The following NDUFA3 variants were observed in gnomAD, a reference collection of about 807,000 sequenced individuals.
NDUFA3 encodes the protein NADH dehydrogenase [ubiquinone] 1 alpha subcomplex subunit 3.
In NDUFA3, 10 loss-of-function variants were observed where a neutral mutation model predicts 11.4. That is an observed-to-expected ratio of 0.87 (90% CI 0.54 to 1.48). The LOEUF (loss-of-function observed/expected upper bound fraction) is 1.48, where lower values mean the gene tolerates loss of function less well. Ranked by LOEUF, NDUFA3 falls within the 40% of genes most tolerant of loss-of-function variation. NDUFA3 has a pLI of 0.00. For missense variants in NDUFA3, 115 were observed against 110.5 expected, an observed-to-expected ratio of 1.04 and a Z score of -0.18; for synonymous variants, 39 against 46.9, an observed-to-expected ratio of 0.83 and a Z score of 0.68.
In NDUFA3 at chr19:54,105,931, C is replaced by A; in HGVS notation, c.86-3C>A. On this transcript the variant is annotated splice_region_variant and splice_polypyrimidine_tract_variant and intron_variant, in intron 2 of 3. Coordinates refer to ENST00000485876, the MANE Select transcript of NDUFA3 (RefSeq NM_004542.4). ...TGGGCCTCACCCCTGTGTCTCTCCA[C>A]AGCTGTAATTCTGCCCCCATTGAGC... The A allele has an allele frequency of 6.2e-7, 1 of 1,611,470 alleles. No individual in the cohort carries two copies. Among genetic ancestry groups the A allele is most frequent in the Non-Finnish European group, 8.5e-7 (1 of 1,177,668 alleles).
At chr19:54,104,026 G>C (rs912144846) in intron 2 of NDUFA3, among the ~76,000 whole-genome samples, 2 of 151,920 alleles carry the variant, frequency 1.3e-5, no homozygotes, top group African/African-American at 2.4e-5. Context: ...ATAGAGACGG[G>C]GTTTCACCGT....
Position 54,106,826 on chromosome 19 carries a change from A to T in NDUFA3, c.179A>T (p.Asp60Val), listed in dbSNP as rs1453611466. Residue 60 changes from aspartate to valine, a missense_variant, in exon 4 of 4, where the codon GAT becomes GTT. Asp to Val is a radical substitution (Grantham distance 152). Transcript: ENST00000485876. ...PYNYPVPVRD[D>V]GNMPDVPSHP... is the part of the protein sequence containing the mutation. ...TGCCCCACAGTGCCCGTCCGTGATG[A>T]TGGGAACATGCCCGACGTGCCCAGC... The T allele has an allele frequency of 6.2e-7, 1 of 1,612,950 alleles. No homozygotes were observed. The highest frequency in any genetic ancestry group is 1.1e-5 in the South Asian group (1 of 90,924).
chr19:54,103,823 C>G (rs145464907), intron 2 of NDUFA3, among the ~76,000 whole-genome samples: 1 of 151,662 alleles, frequency 6.6e-6, no homozygotes, highest in Non-Finnish European at 1.5e-5. Context: ...GGATTACAGG[C>G]GCCCAGCTAA....
At chr19:54,103,240 C>T (rs898126967) in intron 2 of NDUFA3, 52 bp downstream of exon 2, 1 of 1,523,644 alleles carries the variant, frequency 6.6e-7, no homozygotes, top group South Asian at 1.3e-5. Context: ...CGTCCCCCTA[C>T]ATCCCTCCAT....
At chr19:54,105,732 C>T (rs1210730720) in intron 2 of NDUFA3, 3 of 667,322 alleles carry the variant, frequency 4.5e-6, no homozygotes, top group East Asian at 2.7e-5. Flanking sequence ...CCCCTACCTC[C>T]ACTTAACCCC....
In NDUFA3 at chr19:54,105,264, C is replaced by CTTTTTTTTTTT. The variant is rs796770972; in HGVS notation, c.86-659_86-649dup. On this transcript the variant is annotated intron_variant, in intron 2 of 3. Transcript: ENST00000485876. ...ACCCTTTCTCCTCCAGTTTGTAAGGCTTTTTTTTTTTTTTTTTTTTTGGTG... is the reference window on the plus strand; with the variant it reads ...ACCCTTTCTCCTCCAGTTTGTAAGGCTTTTTTTTTTTTTTTTTTTTTTTTTTTTTTTTGGTG... Among the ~76,000 whole-genome samples the CTTTTTTTTTTT allele has an allele frequency of 2.2e-3, 157 of 71,260 alleles. 13 individuals carry two copies. The highest frequency in any genetic ancestry group is 7.5e-3 in the African/African-American group (124 of 16,568). The allele number at this position is 71,260 out of a possible 152,430, so 46.7% of individuals were successfully genotyped here.
chr19:54,106,842 C>T lies in NDUFA3; in HGVS notation c.195C>T (p.Asp65=), dbSNP rs367899894. The T allele has an allele frequency of 4.3e-5, 70 of 1,613,662 alleles. No homozygotes were observed. Among genetic ancestry groups the T allele is most frequent in the East Asian group, 6.7e-5 (3 of 44,864 alleles). Residue 65 remains aspartate, a synonymous_variant, in exon 4 of 4, where the codon GAC becomes GAT. Transcript: ENST00000485876. The part of the protein sequence containing the change: ...VPVRDDGNMP[D]VPSHPQDPQG... ...TCCGTGATGATGGGAACATGCCCGA[C>T]GTGCCCAGCCACCCCCAGGACCCTC...
intron 2 of NDUFA3, 123 bp from the exon 3 acceptor site, chr19:54,105,811 G>C (rs780962878): frequency 2.5e-6 from 2 of 792,100 alleles, no homozygotes; most frequent in African/African-American, 1.7e-5. Flanking sequence ...CCTCCTGGAC[G>C]TGCTGGCCCT....
chr19:54,105,842 G>A (rs4147629), intron 2 of NDUFA3, 92 bp from the exon 3 acceptor site: 29 of 1,085,976 alleles, frequency 2.7e-5, no homozygotes, highest in East Asian at 7.1e-5. Context: ...CTCCCCCTGC[G>A]CACTTTATCT....
At chr19:54,103,042 G>C (rs2073134402) in intron 1 of NDUFA3, 72 bp from the exon 2 acceptor site, 2 of 1,560,538 alleles carry the variant, frequency 1.3e-6, no homozygotes, top group East Asian at 4.6e-5. Flanking sequence ...CCAGGGCAGG[G>C]GTGGCACGAG....
At chr19:54,106,730 G>A in intron 3 of NDUFA3, 81 bp from the exon 4 acceptor site, 3 of 1,254,918 alleles carry the variant, frequency 2.4e-6, no homozygotes, top group Non-Finnish European at 2.2e-6. Context: ...TTCCCTCTCT[G>A]AACATAAAGC....
rs1201834834 is a variant in NDUFA3, at chr19:54,105,263, G to GATTTTTTTTTTTTTTTTTTT, written c.86-671_86-670insATTTTTTTTTTTTTTTTTTT. On this transcript the variant is annotated intron_variant, in intron 2 of 3. Coordinates refer to ENST00000485876, the MANE Select transcript of NDUFA3 (RefSeq NM_004542.4). Reference sequence around the variant, plus strand: ...AACCCTTTCTCCTCCAGTTTGTAAGGCTTTTTTTTTTTTTTTTTTTTTGGT... The same window carrying GATTTTTTTTTTTTTTTTTTT: ...AACCCTTTCTCCTCCAGTTTGTAAGGATTTTTTTTTTTTTTTTTTTCTTTTTTTTTTTTTTTTTTTTTGGT... Among the ~76,000 whole-genome samples the GATTTTTTTTTTTTTTTTTTT allele has an allele frequency of 7.7e-4, 30 of 38,990 alleles. 2 individuals carry two copies. Among genetic ancestry groups the GATTTTTTTTTTTTTTTTTTT allele is most frequent in the Middle Eastern group, 0.016 (1 of 64 alleles). The allele number at this position is 38,990 out of a possible 152,430, so 25.6% of individuals were successfully genotyped here. A position where few individuals can be genotyped will look rare whatever the true frequency, so the allele number is the denominator to read the frequency against.
chr19:54,105,011 T>C (rs8110474), intron 2 of NDUFA3, among the ~76,000 whole-genome samples: 7,173 of 152,210 alleles, frequency 0.047, 573 homozygotes, highest in African/African-American at 0.17. Context: ...GTCCTGGGAT[T>C]ATAGGCATGA....
At chr19:54,105,688 C>A (rs1183270552) in intron 2 of NDUFA3, 1 of 693,102 alleles carries the variant, frequency 1.4e-6, no homozygotes. Context: ...CTGCCTCCTC[C>A]AGGCCCCACG....
rs368243962 is a variant in NDUFA3, at chr19:54,106,010, A to G, written c.162A>G (p.Pro54=). Reference sequence around the variant, plus strand: ...ACAAGGCCACGCCCTACAACTACCCAGGTGAGTGGGGGCCAGGCAGGGATC... The same window carrying G: ...ACAAGGCCACGCCCTACAACTACCCGGGTGAGTGGGGGCCAGGCAGGGATC... ...MINKATPYNY[P]VPVRDDGNMP... is the part of the protein sequence containing the mutation. The change falls in exon 3 of 4, where the codon CCA becomes CCG. Residue 54 remains proline (P), a splice_region_variant and synonymous_variant. Transcript: ENST00000485876. The G allele has an allele frequency of 2.5e-6, 4 of 1,612,346 alleles. No homozygotes were observed. In the African/African-American group the frequency reaches 5.3e-5, roughly 22 times the overall value.
Position 54,105,984 on chromosome 19 carries a change from A to G in NDUFA3, c.136A>G (p.Asn46Asp), listed in dbSNP as rs1284154861. 6.2e-7 allele frequency: 1 copy of G among 1,613,842 alleles called. No individual in the cohort carries two copies. Among genetic ancestry groups the G allele is most frequent in the South Asian group, 1.1e-5 (1 of 91,074 alleles). ...CTACTTCAAGTACTCCGTCATGATC[A>G]ACAAGGCCACGCCCTACAACTACCC... ...SPYFKYSVMI[N>D]KATPYNYPVP... The change falls in exon 3 of 4, where the codon AAC becomes GAC. Residue 46 changes from asparagine (N) to aspartate (D), a missense_variant. Asn to Asp is a conservative substitution (Grantham distance 23). Transcript: ENST00000485876.
At chr19:54,103,469 C>G (rs753959315) in intron 2 of NDUFA3, among the ~76,000 whole-genome samples, 7 of 152,152 alleles carry the variant, frequency 4.6e-5, no homozygotes, top group Non-Finnish European at 8.8e-5. Context: ...AGTCCAGATC[C>G]TCCTCCTCCT....
chr19:54,103,165 T>C lies in NDUFA3; in HGVS notation c.62T>C (p.Val21Ala). ...NAWDKEPVLV[V>A]SFVVGGLAVI... is the part of the protein sequence containing the mutation. ...TGGGACAAGGAGCCAGTGCTGGTCG[T>C]GTCCTTCGTCGTCGGGGGCCTCGGT... Residue 21 changes from valine (V) to alanine (A), a missense_variant, in exon 2 of 4, where the codon GTG becomes GCG. Coordinates refer to ENST00000485876, the MANE Select transcript of NDUFA3 (RefSeq NM_004542.4). The C allele has an allele frequency of 6.2e-7, 1 of 1,602,150 alleles. No homozygotes were observed. The highest frequency in any genetic ancestry group is 8.5e-7 in the Non-Finnish European group (1 of 1,172,178).
intron 2 of NDUFA3, among the ~76,000 whole-genome samples, chr19:54,104,984 C>T (rs1398938259): frequency 3.9e-5 from 6 of 152,050 alleles, no homozygotes; most frequent in African/African-American, 1.4e-4. Flanking sequence ...GTGATCCACC[C>T]GTCTCAGCCT....
Sources: gnomAD v4.1 joint callset for allele counts (sites outside exome capture counted in the v4.1 genomes callset) on GRCh38, gnomAD v4.1.1 for gene constraint, MANE v1.5 for transcripts, NCBI Gene and HGNC (gene_info 2026-07-23, HGNC 2026-07-21) for gene names.